GNB5: variants seen among roughly 807,000 people sequenced by gnomAD.
GNB5 encodes the protein G protein subunit beta 5.
GNB5 carries 37 observed loss-of-function variants against 55.3 expected under a neutral mutation model. That is an observed-to-expected ratio of 0.67 (90% confidence interval 0.51 to 0.88). GNB5 has a LOEUF of 0.88. Ranked by LOEUF, GNB5 falls within the 40% of genes least tolerant of loss-of-function variation. The probability of loss-of-function intolerance (pLI) is 0.00; values close to 1 mark genes in which losing one functional copy is unlikely to be tolerated. For missense variants in GNB5, 476 were observed against 515.3 expected (o/e 0.92, Z 0.74); for synonymous variants, 219 against 198.5 (o/e 1.10, Z -0.87).
chr15:52,117,102 A>ATATATATATATATATATTTTT lies in GNB5; in HGVS notation c.*5654_*5655insAAAAATATATATATATATATA. The ATATATATATATATATATTTTT allele has an allele frequency of 5.7e-5, 5 of 87,098 alleles. No individual in the cohort carries two copies. Among genetic ancestry groups the ATATATATATATATATATTTTT allele is most frequent in the African/African-American group, 2.4e-4 (4 of 16,444 alleles). The allele number at this position is 87,098 out of a possible 1,614,324, so 5.4% of individuals were successfully genotyped here. A position where few individuals can be genotyped will look rare whatever the true frequency, so the allele number is the denominator to read the frequency against. On this transcript the variant is annotated 3_prime_UTR_variant, in exon 13 of 13. Transcript: ENST00000261837. Reference sequence around the variant, plus strand: ...CCACGCCCAGCTAATATATATATATATTTTTTTTTAGTACAGACAGGGTTT... The same window carrying ATATATATATATATATATTTTT: ...CCACGCCCAGCTAATATATATATATATATATATATATATATATTTTTTTTTTTTTTAGTACAGACAGGGTTT...
chr15:52,156,779 A>G (rs2034216359), intron 3 of GNB5, among the ~76,000 whole-genome samples: 1 of 152,158 alleles, frequency 6.6e-6, no homozygotes, highest in Admixed American at 6.5e-5. Context: ...AACCTTGCTA[A>G]ACTCTAAAGT....
intron 9 of GNB5, among the ~76,000 whole-genome samples, chr15:52,131,535 T>C (rs1439703904): frequency 6.6e-6 from 1 of 152,218 alleles, no homozygotes; most frequent in Non-Finnish European, 1.5e-5. Context: ...CTGTACTTTA[T>C]TAATACACAG....
intron 3 of GNB5, among the ~76,000 whole-genome samples, chr15:52,154,293 C>CT (rs1377567362): frequency 6.6e-6 from 1 of 152,234 alleles, no homozygotes; most frequent in Non-Finnish European, 1.5e-5. Flanking sequence ...GCCATTCTCT[C>CT]TTTGTGTTTA....
chr15:52,124,939 C>A (rs1421845322), intron 11 of GNB5: 5 of 219,148 alleles, frequency 2.3e-5, no homozygotes, highest in South Asian at 1.6e-4. Context: ...GCACTGCAGA[C>A]ACAAGTAAAT....
intron 4 of GNB5, among the ~76,000 whole-genome samples, chr15:52,151,964 GA>G (rs1426725600): frequency 1.3e-5 from 2 of 151,228 alleles, no homozygotes; most frequent in Non-Finnish European, 1.5e-5. Flanking sequence ...CTCAAGAAAA[GA>G]AAAAAGAAAA....
At chr15:52,149,992 C>A in intron 4 of GNB5, 67 bp from the exon 5 acceptor site, 1 of 1,207,360 alleles carries the variant, frequency 8.3e-7, no homozygotes, top group Non-Finnish European at 1.2e-6. Flanking sequence ...GAGAATTCCT[C>A]ATAAAAGCTG....
At chr15:52,122,832 TAA>T (rs1222417895) in intron 12 of GNB5, 64 bp from the exon 13 acceptor site, 1 of 1,257,572 alleles carries the variant, frequency 8.0e-7, no homozygotes, top group East Asian at 2.3e-5. Flanking sequence ...AACTTGAGCT[TAA>T]AGAGATAAAA....
chr15:52,159,160 G>T (rs985317550), intron 3 of GNB5, among the ~76,000 whole-genome samples: 1 of 152,198 alleles, frequency 6.6e-6, no homozygotes, highest in African/African-American at 2.4e-5. Flanking sequence ...TGCAGAGTAA[G>T]GGGTAGGTGC....
At chr15:52,123,126 A>G (rs1490369120) in intron 12 of GNB5, among the ~76,000 whole-genome samples, 3 of 151,986 alleles carry the variant, frequency 2.0e-5, no homozygotes, top group Non-Finnish European at 4.4e-5. Context: ...TAACATGACT[A>G]CTCACTTAGG....
chr15:52,148,469 G>A (rs1478158770), intron 5 of GNB5, among the ~76,000 whole-genome samples: 1 of 152,186 alleles, frequency 6.6e-6, no homozygotes, highest in Admixed American at 6.5e-5. Context: ...CACATGGCTG[G>A]CCTGTGTGCG....
At chr15:52,157,580 G>A (rs1226426136) in intron 3 of GNB5, among the ~76,000 whole-genome samples, 3 of 152,088 alleles carry the variant, frequency 2.0e-5, no homozygotes, top group Non-Finnish European at 4.4e-5. Context: ...TCGGCCCAGA[G>A]TTGTGAGCAT....
At chr15:52,186,269 C>CT (rs2034845220) in intron 1 of GNB5, among the ~76,000 whole-genome samples, 1 of 152,230 alleles carries the variant, frequency 6.6e-6, no homozygotes, top group South Asian at 2.1e-4. Context: ...TCTTTTTTGC[C>CT]TTTTTAAAAA....
At chr15:52,168,723 T>A (rs1248629406) in intron 3 of GNB5, among the ~76,000 whole-genome samples, 1 of 152,128 alleles carries the variant, frequency 6.6e-6, no homozygotes, top group Non-Finnish European at 1.5e-5. Context: ...CAAAATATAC[T>A]ACAAGGCTAC....
chr15:52,126,219 T>A, intron 10 of GNB5, 175 bp from the exon 11 acceptor site: 1 of 553,806 alleles, frequency 1.8e-6, no homozygotes, highest in East Asian at 2.9e-5. Flanking sequence ...TTAATTTCTA[T>A]GAGTCAGTAA....
chr15:52,149,952 G>C, intron 4 of GNB5, 27 bp from the exon 5 acceptor site: 1 of 1,584,208 alleles, frequency 6.3e-7, no homozygotes, highest in Non-Finnish European at 8.7e-7. Flanking sequence ...AAACAGTTTA[G>C]GGGTTGTCAA....
Position 52,128,641 on chromosome 15 carries a change from T to C in GNB5, c.864-397A>G, listed in dbSNP as rs551122999. The C allele has an allele frequency of 3.3e-5, 16 of 484,454 alleles. No individual in the cohort carries two copies. The East Asian group carries it at 9.8e-4, about 30-fold the overall frequency. 30.0% of individuals were successfully genotyped at this position (484,454 alleles called of 1,614,324 possible). A position where few individuals can be genotyped will look rare whatever the true frequency, so the allele number is the denominator to read the frequency against. Reference sequence around the variant, plus strand: ...TTGGATGTCTGCACTGACCATTTACTACCTGCGATACTTTTGGCAAATGAC... The same window carrying C: ...TTGGATGTCTGCACTGACCATTTACCACCTGCGATACTTTTGGCAAATGAC... On this transcript the variant is annotated intron_variant, in intron 9 of 12. Transcript: ENST00000261837.
chr15:52,143,515 G>T (rs2033904737), intron 6 of GNB5, among the ~76,000 whole-genome samples: 1 of 152,128 alleles, frequency 6.6e-6, no homozygotes. Flanking sequence ...AAAGCTTCTT[G>T]GGGATATGGC....
chr15:52,145,822 G>T (rs2033962005), intron 6 of GNB5, among the ~76,000 whole-genome samples: 1 of 152,096 alleles, frequency 6.6e-6, no homozygotes, highest in African/African-American at 2.4e-5. Context: ...TTTGCCTGGG[G>T]ACTCGGGCTT....
intron 3 of GNB5, among the ~76,000 whole-genome samples, chr15:52,179,494 T>A (rs2034720060): frequency 6.6e-6 from 1 of 151,270 alleles, no homozygotes; most frequent in East Asian, 2.0e-4. Flanking sequence ...AGGCAGGTGA[T>A]GAGGATAGCT....
Sources: allele counts gnomAD v4.1 joint callset (sites outside exome capture counted in the v4.1 genomes callset), GRCh38; gene constraint gnomAD v4.1.1; transcripts MANE v1.5; gene names NCBI Gene and HGNC (gene_info 2026-07-23, HGNC 2026-07-21).